Variants in ZC2HC1B observed in about 807,000 individuals in gnomAD.
The protein encoded by ZC2HC1B is zinc finger C2HC domain-containing protein 1B.
ZC2HC1B carries 36 observed loss-of-function variants against 31.0 expected under a neutral mutation model. That is an observed-to-expected ratio of 1.16 (90% confidence interval 0.89 to 1.54). The LOEUF (loss-of-function observed/expected upper bound fraction) is 1.54. Ranked by LOEUF, ZC2HC1B falls within the 40% of genes most tolerant of loss-of-function variation. The probability of loss-of-function intolerance (pLI) is 0.00; values close to 1 mark genes in which losing one functional copy is unlikely to be tolerated. For synonymous variants in ZC2HC1B, 73 were observed against 88.0 expected, an observed-to-expected ratio of 0.83 and a Z score of 0.95; for missense variants, 260 against 268.6, an observed-to-expected ratio of 0.97 and a Z score of 0.22.
rs1288672232 is a variant in ZC2HC1B at position 143,918,323 on chromosome 6, G to A, written c.598+15171G>A. 6.6e-6 allele frequency among the ~76,000 whole-genome samples: 1 copy of A among 152,064 alleles called. No individual in the cohort carries two copies. The highest frequency in any genetic ancestry group is 1.5e-5 in the Non-Finnish European group (1 of 68,010). On this transcript the variant is annotated intron_variant, in intron 6 of 7. Transcript: ENST00000237275. This position sits in a 1 kb window ranked among gnomAD's most constrained non-coding sequence, Gnocchi z 4.1. The stretch of plus-strand genomic sequence containing the variant: ...CTCTTCCCTTACTTTTTGAAGGACA[G>A]TTTTTCTGTATATGAGATTTTTGGT...
chr6:143,901,301 C>G (rs565291484), intron 5 of ZC2HC1B, among the ~76,000 whole-genome samples: 1 of 130,200 alleles, frequency 7.7e-6, no homozygotes, highest in East Asian at 2.1e-4. Flanking sequence ...ACTCTGTTGC[C>G]CAGGCTGGAG....
chr6:143,886,030 A>G lies in ZC2HC1B; in HGVS notation c.91-2A>G. The G allele has an allele frequency of 6.6e-7, 1 of 1,519,892 alleles. No homozygotes were observed. The highest frequency in any genetic ancestry group is 8.8e-7 in the Non-Finnish European group (1 of 1,136,806). The allele number at this position is 1,519,892 out of a possible 1,614,324, so 94.2% of individuals were successfully genotyped here. ...TTCCAATCCCTACTCTTCGTTTTCT[A>G]GGAAAGGCATGGACCAATATGTAAG... is the stretch of plus-strand genomic sequence containing the variant. On this transcript the variant is annotated splice_acceptor_variant, in intron 2 of 7. Transcript: ENST00000237275. LOFTEE classifies it high-confidence loss of function. The surrounding 1 kb of genome is among the most constrained non-coding windows in gnomAD (Gnocchi z 4.2).
intron 6 of ZC2HC1B, among the ~76,000 whole-genome samples, chr6:143,935,178 G>T (rs1778162148): frequency 1.3e-5 from 2 of 152,038 alleles, no homozygotes; most frequent in Non-Finnish European, 2.9e-5. Context: ...GATGTATGCA[G>T]GTACCAATAG....
chr6:143,877,902 C>T lies in ZC2HC1B; in HGVS notation c.29-6402C>T, dbSNP rs58374547. On this transcript the variant is annotated intron_variant, in intron 1 of 7. Transcript: ENST00000237275. ...GTAAGGGTTTGGCAAGCAGAGTCCTCTAAGCCAAGTAGAAGAAGATGGGCA... is the reference window on the plus strand; with the variant it reads ...GTAAGGGTTTGGCAAGCAGAGTCCTTTAAGCCAAGTAGAAGAAGATGGGCA... Among the ~76,000 whole-genome samples, 2 of 150,478 alleles carry T rather than the reference C, an allele frequency of 1.3e-5. 1 individual carries two copies. The highest frequency in any genetic ancestry group is 4.9e-5 in the African/African-American group (2 of 40,746).
In ZC2HC1B at chr6:143,899,199, A is replaced by G. The variant is rs886457034; in HGVS notation, c.489+508A>G. ...TTAACATTAGGTGCAAATCAGTAAA[A>G]TAACAACCTGAAGTGGAAGACAGTA... On this transcript the variant is annotated intron_variant, in intron 5 of 7. Transcript: ENST00000237275. This position sits in a 1 kb window ranked among gnomAD's most constrained non-coding sequence, Gnocchi z 5.0. Among the ~76,000 whole-genome samples, 1 of 152,254 alleles carries G rather than the reference A, an allele frequency of 6.6e-6. No homozygotes were observed. Among genetic ancestry groups the G allele is most frequent in the Non-Finnish European group, 1.5e-5 (1 of 68,048 alleles).
Position 143,886,210 on chromosome 6 carries a change from T to C in ZC2HC1B, c.210+59T>C. On this transcript the variant is annotated intron_variant, in intron 3 of 7. Coordinates refer to ENST00000237275, the MANE Select transcript of ZC2HC1B (RefSeq NM_001013623.3). The surrounding 1 kb of genome is among the most constrained non-coding windows in gnomAD (Gnocchi z 4.2). ...ACATTCTGCGGTACTGTAAGGCCTATTTCTGGGATTTCTGGTTTCATTTTT... is the reference window on the plus strand; with the variant it reads ...ACATTCTGCGGTACTGTAAGGCCTACTTCTGGGATTTCTGGTTTCATTTTT... The C allele has an allele frequency of 7.3e-7, 1 of 1,373,216 alleles. No homozygotes were observed. The highest frequency in any genetic ancestry group is 9.4e-7 in the Non-Finnish European group (1 of 1,060,408). 85.1% of individuals were successfully genotyped at this position (1,373,216 alleles called of 1,614,324 possible). A position where few individuals can be genotyped will look rare whatever the true frequency, so the allele number is the denominator to read the frequency against.
intron 6 of ZC2HC1B, among the ~76,000 whole-genome samples, chr6:143,930,360 T>C (rs1778103371): frequency 6.6e-6 from 1 of 150,574 alleles, no homozygotes; most frequent in African/African-American, 2.4e-5. Flanking sequence ...CTTTCATGTA[T>C]TTGTATAGTT....
rs1187551537 is a variant in ZC2HC1B at position 143,865,658 on chromosome 6, A to G, written c.28+1091A>G. On this transcript the variant is annotated intron_variant, in intron 1 of 7. Transcript: ENST00000237275. The surrounding 1 kb of genome is among the most constrained non-coding windows in gnomAD (Gnocchi z 4.4). ...GAAGGGTGCCTGGCATTCAGTATAC[A>G]GTCACAAAGTAGTGTATGAATGAAT... 2.0e-5 allele frequency among the ~76,000 whole-genome samples: 3 copies of G among 152,166 alleles called. No homozygotes were observed. Among genetic ancestry groups the G allele is most frequent in the African/African-American group, 7.2e-5 (3 of 41,436 alleles).
intron 4 of ZC2HC1B, among the ~76,000 whole-genome samples, chr6:143,896,111 G>T (rs919381457): frequency 6.6e-6 from 1 of 152,182 alleles, no homozygotes; most frequent in Non-Finnish European, 1.5e-5. Flanking sequence ...CTCTGGTGGG[G>T]CCTTATGTTC....
chr6:143,894,702 T>G (rs1323066429), intron 4 of ZC2HC1B, among the ~76,000 whole-genome samples: 1 of 152,244 alleles, frequency 6.6e-6, no homozygotes, highest in East Asian at 1.9e-4. Flanking sequence ...ATGTAAGTAC[T>G]TTGGCAACAA....
intron 6 of ZC2HC1B, among the ~76,000 whole-genome samples, chr6:143,926,096 T>A (rs1452381558): frequency 6.6e-6 from 1 of 151,940 alleles, no homozygotes; most frequent in Admixed American, 6.6e-5. Flanking sequence ...ACCTTTGTAT[T>A]TTTTTTTAAA....
rs1481535955 is a variant in ZC2HC1B at position 143,882,339 on chromosome 6, TATATATA to T, written c.29-1964_29-1958del. 1.3e-4 allele frequency among the ~76,000 whole-genome samples: 16 copies of T among 126,866 alleles called. 1 individual carries two copies. Among genetic ancestry groups the T allele is most frequent in the African/African-American group, 5.0e-4 (15 of 29,936 alleles). The allele number at this position is 126,866 out of a possible 152,430, so 83.2% of individuals were successfully genotyped here. On this transcript the variant is annotated intron_variant, in intron 1 of 7. Coordinates refer to ENST00000237275, the MANE Select transcript of ZC2HC1B (RefSeq NM_001013623.3). The stretch of plus-strand genomic sequence containing the variant: ...GTATACATATTTTATATTTTTTATA[TATATATA>T]TATATATATATATATATATATATTT...
rs895969578 is a variant in ZC2HC1B, at chr6:143,899,773, C to T, written c.489+1082C>T. 1.3e-5 allele frequency among the ~76,000 whole-genome samples: 2 copies of T among 152,174 alleles called. No homozygotes were observed. The highest frequency in any genetic ancestry group is 2.4e-5 in the African/African-American group (1 of 41,426). ...GATCCCACAGACTGTGGATCCTGAG[C>T]GCTATCCCCTTAAGCATTAGAAGGT... On this transcript the variant is annotated intron_variant, in intron 5 of 7. Transcript: ENST00000237275. This position sits in a 1 kb window ranked among gnomAD's most constrained non-coding sequence, Gnocchi z 5.0.
intron 1 of ZC2HC1B, among the ~76,000 whole-genome samples, chr6:143,874,587 T>C (rs6912488): frequency 0.19 from 28,334 of 152,050 alleles, 4,309 homozygotes; most frequent in African/African-American, 0.42. Flanking sequence ...GTGAAAGGCA[T>C]TTCTTACATG....
At position 143,878,169 on chromosome 6, in the gene ZC2HC1B, T is replaced by C. The variant is rs536538867; in HGVS notation, c.29-6135T>C. Among the ~76,000 whole-genome samples the C allele has an allele frequency of 5.3e-5, 8 of 151,088 alleles. 1 individual carries two copies. Among genetic ancestry groups the C allele is most frequent in the African/African-American group, 7.3e-5 (3 of 41,038 alleles). On this transcript the variant is annotated intron_variant, in intron 1 of 7. Transcript: ENST00000237275. ...ACATAGTGATAAAAAAGTTGAGTCA[T>C]TCAGCACATTTTCCCAGTTGAGGGT... is the stretch of plus-strand genomic sequence containing the variant.
rs775941832 is a variant in ZC2HC1B at position 143,887,645 on chromosome 6, C to G, written c.349+824C>G. Among the ~76,000 whole-genome samples the G allele has an allele frequency of 1.1e-4, 17 of 152,134 alleles. No individual in the cohort carries two copies. The highest frequency in any genetic ancestry group is 2.0e-4 in the Admixed American group (3 of 15,264). ...AATCTTGAACAATATCCCTACCAGG[C>G]TATTCACCTTTTAGAATGTCTCATG... On this transcript the variant is annotated intron_variant, in intron 4 of 7. Coordinates refer to ENST00000237275, the MANE Select transcript of ZC2HC1B (RefSeq NM_001013623.3). This position sits in a 1 kb window ranked among gnomAD's most constrained non-coding sequence, Gnocchi z 5.1.
chr6:143,877,207 G>T (rs939144485), intron 1 of ZC2HC1B, among the ~76,000 whole-genome samples: 10 of 146,578 alleles, frequency 6.8e-5, no homozygotes, highest in African/African-American at 1.3e-4. Flanking sequence ...TATTTTCTGG[G>T]AGATTTTCCT....
rs1057330615 is a variant in ZC2HC1B, at chr6:143,869,646, C to T, written c.28+5079C>T. Among the ~76,000 whole-genome samples, 8 of 152,188 alleles carry T rather than the reference C, an allele frequency of 5.3e-5. No individual in the cohort carries two copies. Among genetic ancestry groups the T allele is most frequent in the African/African-American group, 1.9e-4 (8 of 41,452 alleles). On this transcript the variant is annotated intron_variant, in intron 1 of 7. Transcript: ENST00000237275. The surrounding 1 kb of genome is among the most constrained non-coding windows in gnomAD (Gnocchi z 5.2). ...TATTCCAGTGAGGAGAAACCTCTGC[C>T]TTTTCCATGATGGAAGAGGTTCAAT...
At chr6:143,880,260 T>C (rs1777452799) in intron 1 of ZC2HC1B, among the ~76,000 whole-genome samples, 1 of 152,226 alleles carries the variant, frequency 6.6e-6, no homozygotes, top group Non-Finnish European at 1.5e-5. Context: ...TTACCAAGTA[T>C]GATTCCAGAT....
Sources: gnomAD v4.1 joint callset for allele counts (sites outside exome capture counted in the v4.1 genomes callset) on GRCh38, gnomAD v4.1.1 for gene constraint, Gnocchi (gnomAD v3.1) non-coding constraint, MANE v1.5 for transcripts, NCBI Gene and HGNC (gene_info 2026-07-23, HGNC 2026-07-21) for gene names.